RALYL: variants seen among roughly 807,000 people sequenced by gnomAD.
RALYL encodes the protein RALY RNA binding protein like.
Under a neutral mutation model 35.1 loss-of-function variants are expected in RALYL, and 29 were observed. The observed-to-expected ratio is 0.83, with a 90% confidence interval of 0.61 to 1.13. RALYL has a LOEUF of 1.13. Ranked by LOEUF, RALYL falls within the 50% of genes most tolerant of loss-of-function variation. The pLI is 0.00. For missense variants in RALYL, 359 were observed against 360.4 expected (o/e 1.00, Z 0.03); for synonymous variants, 120 against 127.6 (o/e 0.94, Z 0.40).
chr8:84,404,574 A>G (rs923648024), intron 1 of RALYL, among the ~76,000 whole-genome samples: 1 of 152,146 alleles, frequency 6.6e-6, no homozygotes, highest in African/African-American at 2.4e-5. Context: ...TTGGTTTGCC[A>G]GTATTTTATT....
At position 84,642,271 on chromosome 8, in the gene RALYL, C is replaced by T. The variant is rs540499920; in HGVS notation, c.256+112694C>T. Among the ~76,000 whole-genome samples, 476 of 152,108 alleles carry T rather than the reference C, an allele frequency of 3.1e-3. 1 individual carries two copies. The highest frequency in any genetic ancestry group is 4.9e-3 in the Non-Finnish European group (331 of 67,948). On this transcript the variant is annotated intron_variant, in intron 2 of 8. Coordinates refer to ENST00000521268, the MANE Select transcript of RALYL (RefSeq NM_173848.7). ...ACAAAATTGGAACCTCTTCACATAG[C>T]TAAACTTTGTTTGCCCTGATAGGTA...
chr8:84,575,021 C>T (rs1808982957), intron 2 of RALYL, among the ~76,000 whole-genome samples: 1 of 152,010 alleles, frequency 6.6e-6, no homozygotes, highest in South Asian at 2.1e-4. Flanking sequence ...TCATTTCTTC[C>T]CCCTTGATGA....
At chr8:84,212,759 A>T (rs928065454) in intron 1 of RALYL, among the ~76,000 whole-genome samples, 2 of 152,212 alleles carry the variant, frequency 1.3e-5, no homozygotes, top group African/African-American at 4.8e-5. Context: ...GAGTTTATGA[A>T]TATATACTTG....
At chr8:84,640,653 C>A (rs1012800586) in intron 2 of RALYL, among the ~76,000 whole-genome samples, 2 of 151,670 alleles carry the variant, frequency 1.3e-5, no homozygotes, top group African/African-American at 2.4e-5. Flanking sequence ...ACAATAGTTA[C>A]AACTGGAGGA....
At chr8:84,390,828 C>T (rs192732613) in intron 1 of RALYL, among the ~76,000 whole-genome samples, 151 of 151,978 alleles carry the variant, frequency 9.9e-4, no homozygotes, top group Admixed American at 1.8e-3. Flanking sequence ...GTAGTTCCTC[C>T]CAGTCCACTG....
chr8:84,816,681 A>T (rs147728168), intron 4 of RALYL, among the ~76,000 whole-genome samples: 127 of 152,322 alleles, frequency 8.3e-4, no homozygotes, highest in African/African-American at 2.8e-3. Context: ...GAAAGAATGA[A>T]TAAGACCTAT....
rs566392797 is a variant in RALYL, at chr8:84,363,446, A to G, written c.-23-165853A>G. On this transcript the variant is annotated intron_variant, in intron 1 of 8. Transcript: ENST00000521268. ...CAATGTGAGTGATGTGCGATGGGTA[A>G]TGCCTTATCTCTGCCTTCCATAAAC... is the stretch of plus-strand genomic sequence containing the variant. 2.0e-5 allele frequency among the ~76,000 whole-genome samples: 3 copies of G among 152,288 alleles called. No homozygotes were observed. In the East Asian group the frequency reaches 5.8e-4, roughly 30 times the overall value.
At chr8:84,378,675 A>G (rs1473494824) in intron 1 of RALYL, among the ~76,000 whole-genome samples, 1 of 151,824 alleles carries the variant, frequency 6.6e-6, no homozygotes, top group Non-Finnish European at 1.5e-5. Flanking sequence ...TATGATAATC[A>G]TATGGTTTCC....
intron 1 of RALYL, among the ~76,000 whole-genome samples, chr8:84,514,928 TAA>T (rs2057938561): frequency 4.6e-5 from 7 of 152,186 alleles, no homozygotes; most frequent in Admixed American, 4.6e-4. Flanking sequence ...CTGTTATAGG[TAA>T]AGTGTTTTAT....
intron 1 of RALYL, among the ~76,000 whole-genome samples, chr8:84,477,590 T>C (rs1172484653): frequency 6.6e-6 from 1 of 150,680 alleles, no homozygotes; most frequent in Non-Finnish European, 1.5e-5. Flanking sequence ...TACAGATTTA[T>C]TATAAATAAA....
In RALYL at chr8:84,826,680, CAA is replaced by C. The variant is rs542823018; in HGVS notation, c.365+21879_365+21880del. ...ACTAGGACCCTTCATCATCACGCTC[CAA>C]TGAGGCCCACCAGTCGATAAGCCCT... On this transcript the variant is annotated intron_variant, in intron 4 of 8. Transcript: ENST00000521268. 5.4e-3 allele frequency among the ~76,000 whole-genome samples: 827 copies of C among 152,018 alleles called. 6 individuals carry two copies. The highest frequency in any genetic ancestry group is 0.019 in the African/African-American group (778 of 41,442).
chr8:84,311,962 C>T (rs903323787), intron 1 of RALYL, among the ~76,000 whole-genome samples: 2 of 152,092 alleles, frequency 1.3e-5, no homozygotes, highest in Non-Finnish European at 2.9e-5. Context: ...GTGTATTAGT[C>T]CATTCTCACA....
intron 1 of RALYL, among the ~76,000 whole-genome samples, chr8:84,469,297 A>T (rs2052304506): frequency 6.6e-6 from 1 of 151,788 alleles, no homozygotes; most frequent in African/African-American, 2.4e-5. Flanking sequence ...GTCTTTGATG[A>T]TGGTGATGTA....
rs536933232 is a variant in RALYL at position 84,382,593 on chromosome 8, A to G, written c.-23-146706A>G. Among the ~76,000 whole-genome samples, 4 of 151,886 alleles carry G rather than the reference A, an allele frequency of 2.6e-5. No individual in the cohort carries two copies. In the East Asian group the frequency reaches 5.8e-4, roughly 22 times the overall value. On this transcript the variant is annotated intron_variant, in intron 1 of 8. Coordinates refer to ENST00000521268, the MANE Select transcript of RALYL (RefSeq NM_173848.7). The stretch of plus-strand genomic sequence containing the variant: ...AATGCTTATTAGGATAATTATAATT[A>G]TTCATTTCTATTTAAAAATTAAATG...
At chr8:84,342,813 C>G (rs1271337893) in intron 1 of RALYL, among the ~76,000 whole-genome samples, 4 of 151,994 alleles carry the variant, frequency 2.6e-5, no homozygotes, top group Admixed American at 2.6e-4. Context: ...TCTGATGAAG[C>G]AGGTGATGTA....
intron 1 of RALYL, among the ~76,000 whole-genome samples, chr8:84,422,129 G>A (rs1029029931): frequency 1.4e-5 from 2 of 146,480 alleles, no homozygotes; most frequent in African/African-American, 2.6e-5. Context: ...AATGGTACCA[G>A]TTCCTCCTTG....
At chr8:84,617,701 C>A (rs1325913245) in intron 2 of RALYL, among the ~76,000 whole-genome samples, 3 of 150,610 alleles carry the variant, frequency 2.0e-5, no homozygotes, top group Non-Finnish European at 4.4e-5. Flanking sequence ...CCAGTTTTTG[C>A]CCATTCAGTA....
chr8:84,892,898 T>C (rs906875777), intron 8 of RALYL, among the ~76,000 whole-genome samples: 2 of 152,204 alleles, frequency 1.3e-5, no homozygotes, highest in Non-Finnish European at 2.9e-5. Flanking sequence ...AAATTCTGTA[T>C]TGATGCACTA....
Position 84,742,930 on chromosome 8 carries a change from TTGAGATCCTTGAATG to T in RALYL, c.257-31634_257-31620del, listed in dbSNP as rs77930390. 4.5e-3 allele frequency among the ~76,000 whole-genome samples: 684 copies of T among 152,120 alleles called. 7 individuals are homozygous for T. Among genetic ancestry groups the T allele is most frequent in the Non-Finnish European group, 6.4e-3 (436 of 67,960 alleles). ...TGAAAGCAGAAGTTACTACTACTTA[TTGAGATCCTTGAATG>T]TGAGATCCTTGAATAACATTAAGCA... On this transcript the variant is annotated intron_variant, in intron 2 of 8. Transcript: ENST00000521268.
Sources: allele counts gnomAD v4.1 joint callset (sites outside exome capture counted in the v4.1 genomes callset), GRCh38; gene constraint gnomAD v4.1.1; transcripts MANE v1.5; gene names NCBI Gene and HGNC (gene_info 2026-07-23, HGNC 2026-07-21).